CAMK1D: variants seen among roughly 807,000 people sequenced by gnomAD.
The protein encoded by CAMK1D is calcium/calmodulin dependent protein kinase ID.
Under a neutral mutation model 47.7 loss-of-function variants are expected in CAMK1D, and 9 were observed. That is an observed-to-expected ratio of 0.19 (90% confidence interval 0.11 to 0.33). The LOEUF is 0.33. Ranked by LOEUF, CAMK1D falls within the 10% of genes least tolerant of loss-of-function variation. CAMK1D has a pLI of 1.00. For synonymous variants in CAMK1D, 184 were observed against 184.9 expected, an observed-to-expected ratio of 0.99 and a Z score of 0.04; for missense variants, 291 against 488.7, an observed-to-expected ratio of 0.60 and a Z score of 3.81.
At chr10:12,635,746 T>G (rs1292143423) in intron 2 of CAMK1D, among the ~76,000 whole-genome samples, 1 of 151,894 alleles carries the variant, frequency 6.6e-6, no homozygotes, top group East Asian at 1.9e-4. Flanking sequence ...GAAAAGGGGG[T>G]TTTTATCTTA....
Position 12,516,931 on chromosome 10 carries a change from G to A in CAMK1D, c.93-36294G>A, listed in dbSNP as rs117615736. Among the ~76,000 whole-genome samples the A allele has an allele frequency of 5.4e-3, 820 of 152,270 alleles. 5 individuals carry two copies. The highest frequency in any genetic ancestry group is 9.4e-3 in the Non-Finnish European group (642 of 68,010). On this transcript the variant is annotated intron_variant, in intron 1 of 10. Transcript: ENST00000619168. ...TCAGTTTCTACAGCAGACTTGCTGG[G>A]ATTTGAATTGGGATTGCATCGAATC...
intron 1 of CAMK1D, among the ~76,000 whole-genome samples, chr10:12,401,710 A>G (rs1243584653): frequency 9.9e-5 from 15 of 151,914 alleles, no homozygotes; most frequent in Non-Finnish European, 1.9e-4. Flanking sequence ...AGGGATGGGT[A>G]GGAGTTTACC....
At chr10:12,430,524 T>G (rs1382825619) in intron 1 of CAMK1D, among the ~76,000 whole-genome samples, 1 of 152,202 alleles carries the variant, frequency 6.6e-6, no homozygotes, top group Non-Finnish European at 1.5e-5. Flanking sequence ...TTTTTCCTTG[T>G]CCTGTCTGTG....
At chr10:12,559,813 G>T (rs12773888) in intron 2 of CAMK1D, among the ~76,000 whole-genome samples, 1 of 152,142 alleles carries the variant, frequency 6.6e-6, no homozygotes, top group Admixed American at 6.5e-5. Context: ...GTGTGGTCGA[G>T]TCAGCACGCT....
At chr10:12,450,341 G>C (rs1358603339) in intron 1 of CAMK1D, among the ~76,000 whole-genome samples, 2 of 152,066 alleles carry the variant, frequency 1.3e-5, no homozygotes, top group African/African-American at 4.8e-5. Context: ...GGAATGAGGA[G>C]GTGGAACTAA....
chr10:12,583,971 T>C (rs1837739998), intron 2 of CAMK1D, among the ~76,000 whole-genome samples: 1 of 152,164 alleles, frequency 6.6e-6, no homozygotes. Flanking sequence ...GACATGACAA[T>C]AGCCAAGTTG....
intron 2 of CAMK1D, among the ~76,000 whole-genome samples, chr10:12,589,979 A>G (rs1270708525): frequency 6.6e-6 from 1 of 152,188 alleles, no homozygotes; most frequent in East Asian, 1.9e-4. Context: ...ACAGGAGCAA[A>G]TGACACTGAA....
chr10:12,645,291 A>G (rs1302582326), intron 2 of CAMK1D, among the ~76,000 whole-genome samples: 1 of 152,206 alleles, frequency 6.6e-6, no homozygotes, highest in Non-Finnish European at 1.5e-5. Context: ...CACATAAGAC[A>G]TACACTTCTA....
intron 1 of CAMK1D, among the ~76,000 whole-genome samples, chr10:12,364,845 G>A (rs1837785871): frequency 6.6e-6 from 1 of 152,146 alleles, no homozygotes; most frequent in South Asian, 2.1e-4. Context: ...AGACTTTTAG[G>A]AGTCGCTGGA....
chr10:12,530,208 C>T (rs913509254), intron 1 of CAMK1D, among the ~76,000 whole-genome samples: 5 of 152,300 alleles, frequency 3.3e-5, no homozygotes, highest in African/African-American at 9.6e-5. Context: ...CCGTTGAACC[C>T]GGAGGCTGTT....
chr10:12,358,061 A>G (rs1837566153), intron 1 of CAMK1D, among the ~76,000 whole-genome samples: 1 of 152,036 alleles, frequency 6.6e-6, no homozygotes, highest in African/African-American at 2.4e-5. Context: ...AGCAGGACTT[A>G]GAAATGGAGA....
At chr10:12,536,868 T>C (rs953503211) in intron 1 of CAMK1D, among the ~76,000 whole-genome samples, 2 of 152,152 alleles carry the variant, frequency 1.3e-5, no homozygotes, top group Admixed American at 6.5e-5. Flanking sequence ...TGCTACAGAG[T>C]ATTCTGCTGA....
intron 4 of CAMK1D, 133 bp downstream of exon 4, chr10:12,761,219 G>A (rs1836493691): frequency 1.0e-5 from 11 of 1,064,420 alleles, no homozygotes; most frequent in South Asian, 1.8e-5. Flanking sequence ...GGGCATTTGT[G>A]TACTTTGAGT....
chr10:12,510,160 A>G (rs1270925604), intron 1 of CAMK1D, among the ~76,000 whole-genome samples: 2 of 152,196 alleles, frequency 1.3e-5, no homozygotes, highest in African/African-American at 4.8e-5. Context: ...CCCGTCTGTA[A>G]TCCCAGCACT....
intron 6 of CAMK1D, among the ~76,000 whole-genome samples, chr10:12,801,283 TTCTG>T (rs112896561): frequency 1.3e-3 from 195 of 145,956 alleles, no homozygotes; most frequent in African/African-American, 4.6e-3. Flanking sequence ...CCATCCATAT[TTCTG>T]TCTGTGTGTG....
At position 12,760,872 on chromosome 10, in the gene CAMK1D, T is replaced by C; in HGVS notation, c.300-76T>C. ...TTCATTTTTGCAATAAAGTTTGGGA[T>C]TTTTTTCACATTGGAAGCTTTCCCT... On this transcript the variant is annotated intron_variant, in intron 3 of 10. Transcript: ENST00000619168. 4.6e-6 allele frequency: 7 copies of C among 1,525,532 alleles called. No individual in the cohort carries two copies. The South Asian group carries it at 7.2e-5, about 16-fold the overall frequency. 94.5% of individuals were successfully genotyped at this position (1,525,532 alleles called of 1,614,324 possible).
At position 12,635,867 on chromosome 10, in the gene CAMK1D, C is replaced by T. The variant is rs1839499787; in HGVS notation, c.225-30869C>T. On this transcript the variant is annotated intron_variant, in intron 2 of 10. Transcript: ENST00000619168. ...ACTCCATTGAGCATTTTATTAGTAACAATTCAGTACTTAAATTGCATATTT... is the reference window on the plus strand; with the variant it reads ...ACTCCATTGAGCATTTTATTAGTAATAATTCAGTACTTAAATTGCATATTT... Among the ~76,000 whole-genome samples, 3 of 152,288 alleles carry T rather than the reference C, an allele frequency of 2.0e-5. No individual in the cohort carries two copies. The South Asian group carries it at 6.2e-4, about 32-fold the overall frequency.
At chr10:12,794,633 C>G (rs1838115190) in intron 6 of CAMK1D, among the ~76,000 whole-genome samples, 1 of 152,162 alleles carries the variant, frequency 6.6e-6, no homozygotes, top group Non-Finnish European at 1.5e-5. Context: ...CCTGGTCACA[C>G]TAGCTTTGCC....
Position 12,614,625 on chromosome 10 carries a change from C to T in CAMK1D, c.225-52111C>T, listed in dbSNP as rs74117759. ...TGTGTAATAACTTTTGCCTTTCTTG[C>T]TGACTTTATATTCTAGCTTCTTTTT... On this transcript the variant is annotated intron_variant, in intron 2 of 10. Transcript: ENST00000619168. Among the ~76,000 whole-genome samples, 446 of 152,240 alleles carry T rather than the reference C, an allele frequency of 2.9e-3. 3 individuals carry two copies. Among genetic ancestry groups the T allele is most frequent in the African/African-American group, 0.01 (422 of 41,536 alleles).
Sources: allele counts gnomAD v4.1 joint callset (sites outside exome capture counted in the v4.1 genomes callset), GRCh38; gene constraint gnomAD v4.1.1; transcripts MANE v1.5; gene names NCBI Gene and HGNC (gene_info 2026-07-23, HGNC 2026-07-21).